Variants in NEGR1 observed in about 807,000 individuals in gnomAD.
NEGR1 encodes neuronal growth regulator 1, also known as IgLON family member 4.
In NEGR1, 10 loss-of-function variants were observed where a neutral mutation model predicts 40.9. The observed-to-expected ratio is 0.24, with a 90% CI of 0.15 to 0.42. NEGR1 has a LOEUF of 0.42. Ranked by LOEUF, NEGR1 falls within the 10% of genes least tolerant of loss-of-function variation. The pLI is 1.00. For synonymous variants in NEGR1, 185 were observed against 166.8 expected (o/e 1.11, Z -0.84); for missense variants, 352 against 438.9 (o/e 0.80, Z 1.77).
chr1:71,678,790 A>G (rs932170736), intron 4 of NEGR1, among the ~76,000 whole-genome samples: 3 of 152,176 alleles, frequency 2.0e-5, no homozygotes, highest in African/African-American at 7.2e-5. Context: ...TGATGTATTC[A>G]GAGTTTTTAA....
chr1:71,551,826 A>G (rs1199661635), intron 6 of NEGR1, among the ~76,000 whole-genome samples: 2 of 151,632 alleles, frequency 1.3e-5, no homozygotes, highest in Non-Finnish European at 3.0e-5. Flanking sequence ...AAAGAATACA[A>G]CTTCTTTTCT....
intron 1 of NEGR1, among the ~76,000 whole-genome samples, chr1:72,250,348 T>C (rs1194276): frequency 2.1e-3 from 322 of 152,206 alleles, no homozygotes; most frequent in African/African-American, 7.4e-3. Context: ...CTTACCTTTC[T>C]AGCATTACTG....
intron 1 of NEGR1, among the ~76,000 whole-genome samples, chr1:71,991,824 C>T (rs771237846): frequency 6.6e-6 from 1 of 152,158 alleles, no homozygotes; most frequent in Non-Finnish European, 1.5e-5. Flanking sequence ...CAGAGCCTTG[C>T]TCTGTGGCCC....
intron 2 of NEGR1, among the ~76,000 whole-genome samples, chr1:71,927,382 T>C (rs943527309): frequency 2.0e-5 from 3 of 152,166 alleles, no homozygotes; most frequent in African/African-American, 7.2e-5. Context: ...GGATCTAAAT[T>C]TGTCTGTGAA....
At chr1:71,441,569 G>C (rs549406001) in intron 6 of NEGR1, among the ~76,000 whole-genome samples, 1 of 152,266 alleles carries the variant, frequency 6.6e-6, no homozygotes, top group South Asian at 2.1e-4. Context: ...CAGTAATGAA[G>C]TAAAATTTTA....
At chr1:71,788,280 T>C (rs865887603) in intron 2 of NEGR1, among the ~76,000 whole-genome samples, 3 of 152,140 alleles carry the variant, frequency 2.0e-5, no homozygotes, top group Non-Finnish European at 4.4e-5. Context: ...AAAAGATAAC[T>C]TGCCATGTGT....
At chr1:71,769,687 A>G (rs1364217126) in intron 3 of NEGR1, among the ~76,000 whole-genome samples, 2 of 152,160 alleles carry the variant, frequency 1.3e-5, no homozygotes, top group Non-Finnish European at 2.9e-5. Flanking sequence ...AGGCCTCCCC[A>G]GTCCTGTGGA....
intron 1 of NEGR1, among the ~76,000 whole-genome samples, chr1:72,253,347 C>G (rs985648016): frequency 1.3e-5 from 2 of 151,992 alleles, no homozygotes; most frequent in African/African-American, 2.4e-5. Flanking sequence ...GGCTAGATGC[C>G]CAGAAGCTCA....
chr1:72,278,001 A>G (rs1656116960), intron 1 of NEGR1, among the ~76,000 whole-genome samples: 1 of 152,170 alleles, frequency 6.6e-6, no homozygotes, highest in Non-Finnish European at 1.5e-5. Flanking sequence ...AGTCTAATAA[A>G]AAGGCAAATG....
chr1:71,566,862 C>T (rs1648637703), intron 6 of NEGR1, among the ~76,000 whole-genome samples: 1 of 152,056 alleles, frequency 6.6e-6, no homozygotes, highest in East Asian at 1.9e-4. Context: ...CTGGTGAGGG[C>T]CCGTTCTTCA....
intron 1 of NEGR1, among the ~76,000 whole-genome samples, chr1:71,994,506 C>A (rs995251976): frequency 1.3e-5 from 2 of 149,776 alleles, no homozygotes; most frequent in African/African-American, 4.9e-5. Context: ...CCAGCCTGGG[C>A]GACAGAGGGA....
intron 1 of NEGR1, among the ~76,000 whole-genome samples, chr1:72,040,042 T>C (rs1646938129): frequency 6.6e-6 from 1 of 151,986 alleles, no homozygotes; most frequent in South Asian, 2.1e-4. Context: ...ATAAACAATA[T>C]ACTGACATAT....
At chr1:72,123,176 A>C (rs969766418) in intron 1 of NEGR1, among the ~76,000 whole-genome samples, 1 of 151,952 alleles carries the variant, frequency 6.6e-6, no homozygotes, top group Admixed American at 6.6e-5. Flanking sequence ...GTCTGTGTTC[A>C]TTTTCATGCA....
At chr1:71,850,145 G>T (rs868123503) in intron 2 of NEGR1, among the ~76,000 whole-genome samples, 2 of 122,738 alleles carry the variant, frequency 1.6e-5, no homozygotes, top group Non-Finnish European at 3.9e-5. Context: ...TTTTTTGTTT[G>T]TTTGTTTGTT....
At chr1:71,609,432 G>A (rs1369963186) in intron 5 of NEGR1, among the ~76,000 whole-genome samples, 1 of 143,608 alleles carries the variant, frequency 7.0e-6, no homozygotes, top group Non-Finnish European at 1.5e-5. Flanking sequence ...GGAGAATGGC[G>A]TGAACCCGGG....
chr1:71,697,152 T>A (rs1653503113), intron 4 of NEGR1, among the ~76,000 whole-genome samples: 1 of 151,852 alleles, frequency 6.6e-6, no homozygotes, highest in Non-Finnish European at 1.5e-5. Flanking sequence ...ATCTGCAGCA[T>A]AATACCACGT....
chr1:72,119,271 G>A (rs1649705068), intron 1 of NEGR1, among the ~76,000 whole-genome samples: 2 of 151,876 alleles, frequency 1.3e-5, no homozygotes, highest in African/African-American at 2.4e-5. Context: ...GAAGTTAAGG[G>A]CTTTCCTAAT....
At chr1:72,225,401 T>C (rs1654159334) in intron 1 of NEGR1, among the ~76,000 whole-genome samples, 1 of 151,806 alleles carries the variant, frequency 6.6e-6, no homozygotes. Context: ...AAACTTTTAT[T>C]TTCTTTAAAT....
At chr1:71,706,149 G>A (rs938706437) in intron 3 of NEGR1, among the ~76,000 whole-genome samples, 3 of 152,224 alleles carry the variant, frequency 2.0e-5, no homozygotes, top group Non-Finnish European at 2.9e-5. Context: ...CAGCTGTGCG[G>A]TGCACAGAGC....
Sources: gnomAD v4.1 joint callset for allele counts (sites outside exome capture counted in the v4.1 genomes callset) on GRCh38, gnomAD v4.1.1 for gene constraint, MANE v1.5 for transcripts, NCBI Gene and HGNC (gene_info 2026-07-23, HGNC 2026-07-21) for gene names.